The following PTPRN2 variants were observed in gnomAD, a reference collection of about 807,000 sequenced individuals.
PTPRN2 encodes protein tyrosine phosphatase receptor type N2.
PTPRN2 carries 74 observed loss-of-function variants against 118.8 expected under a neutral mutation model. The observed-to-expected ratio is 0.62, with a 90% CI of 0.52 to 0.76. The LOEUF (loss-of-function observed/expected upper bound fraction) is 0.76, where lower values mean the gene tolerates loss of function less well. Ranked by LOEUF, PTPRN2 falls within the 30% of genes least tolerant of loss-of-function variation. The pLI, the probability that PTPRN2 is intolerant of heterozygous loss-of-function variation, is 0.00. For synonymous variants in PTPRN2, 641 were observed against 608.0 expected (o/e 1.05, Z -0.80); for missense variants, 1,481 against 1,394.4 (o/e 1.06, Z -0.99).
intron 13 of PTPRN2, among the ~76,000 whole-genome samples, chr7:157,679,724 T>G (rs1030050205): frequency 1.3e-5 from 2 of 151,978 alleles, no homozygotes; most frequent in African/African-American, 4.8e-5. Context: ...GCTGGGGGGT[T>G]CTGTACAAGC....
rs78574205 is a variant in PTPRN2, at chr7:158,540,832, C to T, written c.112+46726G>A. Among the ~76,000 whole-genome samples the T allele has an allele frequency of 8.4e-4, 128 of 152,328 alleles. 1 individual carries two copies. Among genetic ancestry groups the T allele is most frequent in the African/African-American group, 2.8e-3 (116 of 41,568 alleles). ...CCATCGACCTGTGGGGTTAGCACTT[C>T]GGTTTGGCTTTCTCCATTAGGTCAC... On this transcript the variant is annotated intron_variant, in intron 1 of 22. Coordinates refer to ENST00000389418, the MANE Select transcript of PTPRN2 (RefSeq NM_002847.5).
At chr7:157,829,092 G>A (rs1807379711) in intron 12 of PTPRN2, among the ~76,000 whole-genome samples, 1 of 152,284 alleles carries the variant, frequency 6.6e-6, no homozygotes, top group South Asian at 2.1e-4. Context: ...GCGCAGCCGG[G>A]CGCGGGATGC....
rs571715478 is a variant in PTPRN2 at position 158,163,623 on chromosome 7, A to G, written c.910+3308T>C. ...AGGTGGCGCCTGTACGGGGTTCTCA[A>G]TATTCTCTGTATATTTCTTAGGTGA... is the stretch of plus-strand genomic sequence containing the variant. On this transcript the variant is annotated intron_variant, in intron 6 of 22. Coordinates refer to ENST00000389418, the MANE Select transcript of PTPRN2 (RefSeq NM_002847.5). Among the ~76,000 whole-genome samples, 6 of 145,994 alleles carry G rather than the reference A, an allele frequency of 4.1e-5. No individual in the cohort carries two copies. In the South Asian group the frequency reaches 1.1e-3, roughly 26 times the overall value.
Position 157,560,677 on chromosome 7 carries a change from C to T in PTPRN2, c.2902+8225G>A, listed in dbSNP as rs1799144058. ...TCCTGCCCGACCGAAGGCAACTTCT[C>T]CCTTGAAGAGAAAGGTGCAGACAGG... On this transcript the variant is annotated intron_variant, in intron 21 of 22. Coordinates refer to ENST00000389418, the MANE Select transcript of PTPRN2 (RefSeq NM_002847.5). The surrounding 1 kb of genome is among the most constrained non-coding windows in gnomAD (Gnocchi z 6.7). 6.6e-6 allele frequency among the ~76,000 whole-genome samples: 1 copy of T among 152,182 alleles called. No individual in the cohort carries two copies. Among genetic ancestry groups the T allele is most frequent in the African/African-American group, 2.4e-5 (1 of 41,444 alleles).
intron 2 of PTPRN2, among the ~76,000 whole-genome samples, chr7:158,431,746 A>G (rs1342774426): frequency 7.0e-6 from 1 of 143,280 alleles, no homozygotes; most frequent in Non-Finnish European, 1.5e-5. Flanking sequence ...CTGGCCACAC[A>G]CTGGCTCACA....
intron 12 of PTPRN2, among the ~76,000 whole-genome samples, chr7:157,898,358 C>T (rs1283523728): frequency 6.6e-6 from 1 of 152,206 alleles, no homozygotes; most frequent in East Asian, 1.9e-4. Context: ...TTGGCAACTA[C>T]AAAACAGCTG....
At chr7:158,295,595 ACCACTCTCCATGTGCG>A (rs1447291353) in intron 3 of PTPRN2, among the ~76,000 whole-genome samples, 1 of 132,560 alleles carries the variant, frequency 7.5e-6, no homozygotes, top group African/African-American at 2.9e-5. Context: ...CAGACACTGC[ACCACTCTCCATGTGCG>A]TGGTTCACCC....
At chr7:157,984,690 C>T (rs1368379982) in intron 11 of PTPRN2, among the ~76,000 whole-genome samples, 1 of 152,144 alleles carries the variant, frequency 6.6e-6, no homozygotes, top group East Asian at 1.9e-4. Flanking sequence ...GCTGACCACG[C>T]GGTGAGGCTG....
Position 158,157,120 on chromosome 7 carries a change from G to A in PTPRN2, c.910+9811C>T, listed in dbSNP as rs116202247. 7.5e-3 allele frequency among the ~76,000 whole-genome samples: 977 copies of A among 130,306 alleles called. 9 individuals are homozygous for A. Among genetic ancestry groups the A allele is most frequent in the African/African-American group, 0.027 (902 of 33,442 alleles). 85.5% of individuals were successfully genotyped at this position (130,306 alleles called of 152,430 possible). A position where few individuals can be genotyped will look rare whatever the true frequency, so the allele number is the denominator to read the frequency against. On this transcript the variant is annotated intron_variant, in intron 6 of 22. Coordinates refer to ENST00000389418, the MANE Select transcript of PTPRN2 (RefSeq NM_002847.5). Reference sequence around the variant, plus strand: ...ATTGTGCTTACACAGCGGACAGCACGCCTGTTCCATGTGGCTCTGGAAGGC... The same window carrying A: ...ATTGTGCTTACACAGCGGACAGCACACCTGTTCCATGTGGCTCTGGAAGGC...
chr7:157,979,768 T>C (rs140512127), intron 11 of PTPRN2, among the ~76,000 whole-genome samples: 66 of 152,318 alleles, frequency 4.3e-4, no homozygotes, highest in Non-Finnish European at 7.1e-4. Flanking sequence ...GGCTGGACTT[T>C]ATGACTCGCA....
chr7:157,713,937 G>C (rs1798778226), intron 12 of PTPRN2, among the ~76,000 whole-genome samples: 1 of 152,188 alleles, frequency 6.6e-6, no homozygotes, highest in African/African-American at 2.4e-5. Context: ...GAAATACAAT[G>C]GCAGCCGCGA....
intron 8 of PTPRN2, among the ~76,000 whole-genome samples, chr7:158,135,855 C>T (rs1023966508): frequency 6.6e-6 from 1 of 152,214 alleles, no homozygotes; most frequent in Non-Finnish European, 1.5e-5. Context: ...ACCAAAGACT[C>T]TTCTTTCTCC....
chr7:157,731,149 T>A (rs932711633), intron 12 of PTPRN2, among the ~76,000 whole-genome samples: 2 of 152,026 alleles, frequency 1.3e-5, no homozygotes, highest in Non-Finnish European at 2.9e-5. Flanking sequence ...ACTGAGAAGC[T>A]CCTGCTAACC....
rs2150794473 is a variant in PTPRN2, at chr7:157,676,440, T to C, written c.2001+6285A>G. 6.6e-6 allele frequency among the ~76,000 whole-genome samples: 1 copy of C among 152,302 alleles called. No homozygotes were observed. The highest frequency in any genetic ancestry group is 1.9e-4 in the East Asian group (1 of 5,180). The stretch of plus-strand genomic sequence containing the variant: ...AATGCTGTTTACCGCCGGTTCACTT[T>C]CATTGCAAACTCCTCATCTCCAAGA... On this transcript the variant is annotated intron_variant, in intron 13 of 22. Transcript: ENST00000389418. The surrounding 1 kb of genome is among the most constrained non-coding windows in gnomAD (Gnocchi z 5.6).
At chr7:158,495,339 T>A (rs1821753133) in intron 1 of PTPRN2, among the ~76,000 whole-genome samples, 1 of 152,160 alleles carries the variant, frequency 6.6e-6, no homozygotes, top group African/African-American at 2.4e-5. Context: ...TTAAACATCA[T>A]CCTCATTTTT....
chr7:158,411,905 G>A (rs1028834339), intron 2 of PTPRN2, among the ~76,000 whole-genome samples: 1 of 152,060 alleles, frequency 6.6e-6, no homozygotes, highest in Non-Finnish European at 1.5e-5. Context: ...CATGAGACTG[G>A]GGCTGAGAAC....
rs1413797425 is a variant in PTPRN2 at position 157,953,264 on chromosome 7, G to A, written c.1724-54527C>T. Among the ~76,000 whole-genome samples the A allele has an allele frequency of 6.6e-6, 1 of 152,212 alleles. No individual in the cohort carries two copies. The highest frequency in any genetic ancestry group is 2.4e-5 in the African/African-American group (1 of 41,454). Reference sequence around the variant, plus strand: ...ATGAGCTTTCGGGAAGGACAGGAGAGCCGGGTGTGAGAAGCCTCCTTCCTA... The same window carrying A: ...ATGAGCTTTCGGGAAGGACAGGAGAACCGGGTGTGAGAAGCCTCCTTCCTA... On this transcript the variant is annotated intron_variant, in intron 11 of 22. Coordinates refer to ENST00000389418, the MANE Select transcript of PTPRN2 (RefSeq NM_002847.5). This position sits in a 1 kb window ranked among gnomAD's most constrained non-coding sequence, Gnocchi z 4.6.
At chr7:157,704,396 A>C (rs551070836) in intron 12 of PTPRN2, among the ~76,000 whole-genome samples, 190 of 152,338 alleles carry the variant, frequency 1.2e-3, no homozygotes, top group African/African-American at 3.4e-3. Flanking sequence ...TTCTGTTTTC[A>C]GACAAATGTG....
At chr7:158,390,413 T>C (rs1213386110) in intron 2 of PTPRN2, among the ~76,000 whole-genome samples, 1 of 152,232 alleles carries the variant, frequency 6.6e-6, no homozygotes, top group East Asian at 1.9e-4. Flanking sequence ...TAAAGTGGAA[T>C]CAGCAGCCAG....
Sources: allele counts gnomAD v4.1 joint callset (sites outside exome capture counted in the v4.1 genomes callset), GRCh38; gene constraint gnomAD v4.1.1; non-coding constraint Gnocchi (gnomAD v3.1); transcripts MANE v1.5; gene names NCBI Gene and HGNC (gene_info 2026-07-23, HGNC 2026-07-21).